The following SHROOM4 variants were observed in gnomAD, a reference collection of about 807,000 sequenced individuals.
SHROOM4 encodes protein Shroom4.
A neutral mutation model predicts 80.3 loss-of-function variants in SHROOM4; 17 were observed. The observed-to-expected ratio is 0.21, with a 90% confidence interval of 0.14 to 0.32. The LOEUF (loss-of-function observed/expected upper bound fraction) is 0.32, where lower values mean the gene tolerates loss of function less well. Among genes scored for constraint, SHROOM4 ranks in the 10% least tolerant of loss-of-function variants. The pLI is 1.00. For missense variants in SHROOM4, 993 were observed against 1,140.3 expected (o/e 0.87, Z 1.86); for synonymous variants, 400 against 437.5 (o/e 0.91, Z 1.07).
At chrX:50,733,341 T>C (rs1385141951) in intron 1 of SHROOM4, among the ~76,000 whole-genome samples, 7 of 111,836 alleles carry the variant, frequency 6.3e-5, no homozygotes. Context: ...TTTTGGAAAC[T>C]TAATCCCAAT....
rs1483559542 is a variant in SHROOM4 at position 50,588,262 on chromosome X, A to C, written c.*8433T>G. On this transcript the variant is annotated 3_prime_UTR_variant, in exon 9 of 9. Transcript: ENST00000376020. ...GGTCCAAAAAATCTTGACCTGGTGC[A>C]CACAGCAGGGTAGGTAAGGAAAGGA... Among the ~76,000 whole-genome samples, 1 of 111,688 alleles carries C rather than the reference A, an allele frequency of 9.0e-6. No individual in the cohort carries two copies. Among genetic ancestry groups the C allele is most frequent in the African/African-American group, 3.3e-5 (1 of 30,687 alleles).
At chrX:50,644,020 A>G (rs187426797) in intron 2 of SHROOM4, among the ~76,000 whole-genome samples, 1 of 112,470 alleles carries the variant, frequency 8.9e-6, no homozygotes, top group African/African-American at 3.2e-5. Flanking sequence ...AGCAGCCTCC[A>G]GGTCCAGAGG....
intron 2 of SHROOM4, among the ~76,000 whole-genome samples, chrX:50,648,235 G>A (rs925123308): frequency 1.8e-5 from 2 of 111,474 alleles, no homozygotes; most frequent in African/African-American, 6.5e-5. Context: ...AGGTAGGGCT[G>A]ACAGTATTTG....
At chrX:50,677,646 T>A (rs950095559) in intron 2 of SHROOM4, among the ~76,000 whole-genome samples, 3 of 111,664 alleles carry the variant, frequency 2.7e-5, no homozygotes, top group African/African-American at 9.7e-5. Flanking sequence ...GTCCAACTTA[T>A]CAGTCCACTG....
intron 1 of SHROOM4, among the ~76,000 whole-genome samples, chrX:50,758,905 T>C (rs1443109339): frequency 8.9e-6 from 1 of 112,163 alleles, no homozygotes; most frequent in African/African-American, 3.2e-5. Context: ...TTTCCAGGAA[T>C]GTATCCATTT....
intron 1 of SHROOM4, among the ~76,000 whole-genome samples, chrX:50,714,927 T>C (rs1032017811): frequency 5.4e-5 from 6 of 111,626 alleles, no homozygotes; most frequent in African/African-American, 9.8e-5. Context: ...TAGAGAGGCT[T>C]AGTTTTCAGA....
At chrX:50,600,041 C>T (rs1203829576) in intron 7 of SHROOM4, among the ~76,000 whole-genome samples, 1 of 111,141 alleles carries the variant, frequency 9.0e-6, no homozygotes, top group Non-Finnish European at 1.9e-5. Context: ...AATTCCACCT[C>T]CAAACTCTAT....
chrX:50,625,396 T>C (rs1930755282), intron 5 of SHROOM4, among the ~76,000 whole-genome samples: 1 of 111,751 alleles, frequency 8.9e-6, no homozygotes, highest in East Asian at 2.8e-4. Context: ...TACCACATAA[T>C]GCTTAGAGAG....
At chrX:50,643,350 G>C (rs1434239040) in intron 2 of SHROOM4, 2 of 111,617 alleles carry the variant, frequency 1.8e-5, no homozygotes, top group Admixed American at 9.5e-5. Context: ...GGGAGAGAGC[G>C]GGGTATCCGG....
At chrX:50,748,342 G>A (rs1934823424) in intron 1 of SHROOM4, among the ~76,000 whole-genome samples, 1 of 111,251 alleles carries the variant, frequency 9.0e-6, no homozygotes, top group African/African-American at 3.3e-5. Context: ...AAAACTGAAT[G>A]TAGAAAATAT....
chrX:50,689,955 A>G (rs1933179329), intron 2 of SHROOM4, among the ~76,000 whole-genome samples: 1 of 111,875 alleles, frequency 8.9e-6, no homozygotes, highest in Admixed American at 9.5e-5. Flanking sequence ...TAGCTTCAAA[A>G]ACAATGTGAA....
chrX:50,672,665 A>G (rs1427937827), intron 2 of SHROOM4, among the ~76,000 whole-genome samples: 1 of 111,137 alleles, frequency 9.0e-6, no homozygotes, highest in Non-Finnish European at 1.9e-5. Context: ...AAAAGACATA[A>G]ACCTGAAGAT....
intron 5 of SHROOM4, among the ~76,000 whole-genome samples, chrX:50,611,183 C>G (rs1269074647): frequency 2.5e-5 from 2 of 80,855 alleles, no homozygotes; most frequent in Non-Finnish European, 4.4e-5. Context: ...GAGTCTCGCT[C>G]TTTCGCCCAG....
chrX:50,622,395 G>A (rs892839674), intron 5 of SHROOM4, among the ~76,000 whole-genome samples: 10 of 112,111 alleles, frequency 8.9e-5, no homozygotes, highest in Non-Finnish European at 1.7e-4. Flanking sequence ...AGATAATCCA[G>A]AAAATAACTT....
At position 50,812,793 on chromosome X, in the gene SHROOM4, A is replaced by T. The variant is rs1049186106; in HGVS notation, c.117+1109T>A. Among the ~76,000 whole-genome samples the T allele has an allele frequency of 4.5e-5, 5 of 111,367 alleles. No individual in the cohort carries two copies. In the Admixed American group the frequency reaches 4.7e-4, roughly 11 times the overall value. ...GATATTTGCTCCCTGCTGAAAAGAC[A>T]CATCTTTCTATCTCCAGCCTGAACC... On this transcript the variant is annotated intron_variant, in intron 1 of 8. Coordinates refer to ENST00000376020, the MANE Select transcript of SHROOM4 (RefSeq NM_020717.5).
chrX:50,798,250 T>C (rs2147723445), intron 1 of SHROOM4, among the ~76,000 whole-genome samples: 1 of 111,660 alleles, frequency 9.0e-6, no homozygotes, highest in South Asian at 3.8e-4. Flanking sequence ...ATACCAGCCC[T>C]GCCAGTTACT....
At chrX:50,647,515 G>A (rs189825091) in intron 2 of SHROOM4, among the ~76,000 whole-genome samples, 28 of 111,639 alleles carry the variant, frequency 2.5e-4, no homozygotes, top group African/African-American at 8.8e-4. Flanking sequence ...CACCCAAAGC[G>A]ATAAAGAAGG....
Position 50,613,751 on chromosome X carries a change from T to C in SHROOM4, c.2958-5567A>G, listed in dbSNP as rs1426005614. Among the ~76,000 whole-genome samples, 6 of 112,297 alleles carry C rather than the reference T, an allele frequency of 5.3e-5. No homozygotes were observed. The Admixed American group carries it at 5.7e-4, about 11-fold the overall frequency. ...ACTCCAAGTGAATCTATAAACTTAA[T>C]AGAAACTCAATAAAAGTGTCAACAG... On this transcript the variant is annotated intron_variant, in intron 5 of 8. Coordinates refer to ENST00000376020, the MANE Select transcript of SHROOM4 (RefSeq NM_020717.5).
intron 1 of SHROOM4, among the ~76,000 whole-genome samples, chrX:50,716,955 T>C (rs1406762487): frequency 8.9e-6 from 1 of 112,306 alleles, no homozygotes; most frequent in Non-Finnish European, 1.9e-5. Context: ...TTTAAGCCAG[T>C]TAGAGTTTGG....
Sources: gnomAD v4.1 joint callset for allele counts (sites outside exome capture counted in the v4.1 genomes callset) on GRCh38, gnomAD v4.1.1 for gene constraint, MANE v1.5 for transcripts, NCBI Gene and HGNC (gene_info 2026-07-23, HGNC 2026-07-21) for gene names.